SLC12A4: variants seen among roughly 807,000 people sequenced by gnomAD.
SLC12A4 encodes solute carrier family 12 member 4, also known as electroneutral potassium-chloride cotransporter 1.
In SLC12A4, 84 loss-of-function variants were observed where a neutral mutation model predicts 119.2. The ratio of observed to expected loss-of-function variants is 0.70; its 90% CI spans 0.59 to 0.85. The LOEUF (loss-of-function observed/expected upper bound fraction) is 0.85, where lower values mean the gene tolerates loss of function less well. Ranked by LOEUF, SLC12A4 falls within the 40% of genes least tolerant of loss-of-function variation. The pLI is 0.00. For synonymous variants in SLC12A4, 599 were observed against 604.6 expected, an observed-to-expected ratio of 0.99 and a Z score of 0.14; for missense variants, 1,298 against 1,476.3, an observed-to-expected ratio of 0.88 and a Z score of 1.98.
intron 1 of SLC12A4, among the ~76,000 whole-genome samples, chr16:67,964,804 T>C (rs965725310): frequency 1.3e-5 from 2 of 152,242 alleles, no homozygotes; most frequent in Non-Finnish European, 2.9e-5. Flanking sequence ...AGAATGCTGA[T>C]TGAGGCATCC....
intron 3 of SLC12A4, among the ~76,000 whole-genome samples, chr16:67,960,924 G>A (rs1442619618): frequency 1.3e-5 from 2 of 151,760 alleles, no homozygotes; most frequent in Admixed American, 1.3e-4. Flanking sequence ...GGAACCCAGG[G>A]GGTTGTTGGA....
chr16:67,960,016 A>C (rs16957659), intron 3 of SLC12A4, among the ~76,000 whole-genome samples: 7,132 of 152,148 alleles, frequency 0.047, 541 homozygotes, highest in African/African-American at 0.16. Context: ...CCATGAAAAA[A>C]CTACTGCAGC....
chr16:67,966,843 G>T, intron 1 of SLC12A4: 3 of 1,546,834 alleles, frequency 1.9e-6, no homozygotes, highest in Non-Finnish European at 2.6e-6. Flanking sequence ...GGCAGTGGGA[G>T]GAGCTGGCCT....
intron 6 of SLC12A4, among the ~76,000 whole-genome samples, chr16:67,954,400 G>A (rs1262402846): frequency 2.0e-5 from 3 of 152,248 alleles, no homozygotes; most frequent in Non-Finnish European, 4.4e-5. Context: ...GTGCCCAGGT[G>A]GATGGAACAT....
chr16:67,968,645 C>T (rs2030976559), upstream of SLC12A4: 2 of 1,285,742 alleles, frequency 1.6e-6, no homozygotes, highest in Non-Finnish European at 9.8e-7. Flanking sequence ...CACGCCCCGC[C>T]CGCTCGCATT....
chr16:67,952,504 G>A (rs543383861), intron 6 of SLC12A4, 79 bp from the exon 7 acceptor site: 66 of 1,545,860 alleles, frequency 4.3e-5, no homozygotes, highest in Non-Finnish European at 5.5e-5. Flanking sequence ...TTCTTTTTAC[G>A]AGTACCTAAA....
rs772004544 is a variant in SLC12A4, at chr16:67,944,865, C to G, written c.3233G>C (p.Arg1078Pro). 14 of 1,612,988 alleles carry G rather than the reference C, an allele frequency of 8.7e-6. No homozygotes were observed. In the Admixed American group the frequency reaches 1.7e-4, roughly 19 times the overall value. ...ERVLLVRGGGREVITIYS is the reference protein window; with the variant it reads ...ERVLLVRGGGPEVITIYS ...TCAGGAGTAGATGGTGATGACTTCACGGCCACCACCGCGCACCAACAGCAC... is the reference window on the plus strand; with the variant it reads ...TCAGGAGTAGATGGTGATGACTTCAGGGCCACCACCGCGCACCAACAGCAC... Residue 1078 changes from arginine to proline, a missense_variant, in exon 24 of 24, where the codon CGT (arginine) becomes CCT (proline). Coordinates refer to ENST00000316341, the MANE Select transcript of SLC12A4 (RefSeq NM_005072.5). This position sits in a 1 kb window ranked among gnomAD's most constrained non-coding sequence, Gnocchi z 6.6.
intron 1 of SLC12A4, 68 bp downstream of exon 1, chr16:67,968,371 G>A (rs1378331023): frequency 2.2e-6 from 3 of 1,383,564 alleles, no homozygotes; most frequent in Non-Finnish European, 2.9e-6. Flanking sequence ...GCGGGCGCGG[G>A]CCCGGGATGG....
chr16:67,959,841 T>C (rs2030468840), intron 3 of SLC12A4, among the ~76,000 whole-genome samples: 1 of 152,210 alleles, frequency 6.6e-6, no homozygotes, highest in African/African-American at 2.4e-5. Context: ...AGAGGCTGCT[T>C]TGGGTCTTGG....
At chr16:67,947,144 G>A (rs374714017) in intron 16 of SLC12A4, 39 bp from the exon 17 acceptor site, 32 of 1,547,724 alleles carry the variant, frequency 2.1e-5, no homozygotes, top group Middle Eastern at 2.3e-4. Flanking sequence ...GACCAGGGCC[G>A]GCCGTTCTAG....
chr16:67,966,806 A>G, intron 1 of SLC12A4: 1 of 1,550,948 alleles, frequency 6.4e-7, no homozygotes, highest in Non-Finnish European at 8.7e-7. Context: ...GCTGGAAAGG[A>G]GTAAGAGGAG....
At chr16:67,967,469 C>G (rs995456789) in intron 1 of SLC12A4, among the ~76,000 whole-genome samples, 2 of 152,216 alleles carry the variant, frequency 1.3e-5, no homozygotes, top group African/African-American at 4.8e-5. Context: ...ATACCCACAG[C>G]TACACACTTG....
In SLC12A4 at chr16:67,946,500, A is replaced by G; in HGVS notation, c.2375T>C (p.Val792Ala). 6.2e-7 allele frequency: 1 copy of G among 1,609,350 alleles called. No individual in the cohort carries two copies. The highest frequency in any genetic ancestry group is 1.1e-5 in the South Asian group (1 of 91,082). ...GLGGMRHNSV[V>A]LGWPYGWRQS... ...TCGCCAGCCGTAGGGCCAGCCCAGCACCACGGAGTTATGCCGCATGCCTCC... is the reference window on the plus strand; with the variant it reads ...TCGCCAGCCGTAGGGCCAGCCCAGCGCCACGGAGTTATGCCGCATGCCTCC... Residue 792 changes from valine (V) to alanine (A), a missense_variant, in exon 18 of 24, where the codon GTG (valine) becomes GCG (alanine). Transcript: ENST00000316341.
chr16:67,945,133 G>A lies in SLC12A4; in HGVS notation c.3120C>T (p.Leu1040=). The A allele has an allele frequency of 1.9e-6, 3 of 1,600,904 alleles. No individual in the cohort carries two copies. Among genetic ancestry groups the A allele is most frequent in the Non-Finnish European group, 2.6e-6 (3 of 1,172,564 alleles). The change falls in exon 23 of 24, where the codon CTC becomes CTT. Residue 1040 remains leucine, a synonymous_variant. Transcript: ENST00000316341. The stretch of plus-strand genomic sequence containing the variant: ...TCCTGGGTGGGCCAGGCATGTTTAG[G>A]AGAACCAGGCGGGCGTCGTGGGAGC... ...VTRSHDARLV[L]LNMPGPPRNS... is the part of the protein sequence containing the mutation.
Position 67,949,215 on chromosome 16 carries a change from C to A in SLC12A4, c.1748+585G>T, listed in dbSNP as rs570314146. Among the ~76,000 whole-genome samples the A allele has an allele frequency of 6.6e-6, 1 of 152,074 alleles. No homozygotes were observed. Among genetic ancestry groups the A allele is most frequent in the Non-Finnish European group, 1.5e-5 (1 of 68,018 alleles). ...CTGTAATCCCAGCACTTTGGGAGGC[C>A]GAGCCAGGTGGATCATCTGACGTCA... On this transcript the variant is annotated intron_variant, in intron 13 of 23. Coordinates refer to ENST00000316341, the MANE Select transcript of SLC12A4 (RefSeq NM_005072.5). The surrounding 1 kb of genome is among the most constrained non-coding windows in gnomAD (Gnocchi z 4.6).
chr16:67,946,246 G>T lies in SLC12A4; in HGVS notation c.2532C>A (p.Gly844=). The T allele has an allele frequency of 6.2e-7, 1 of 1,613,838 alleles. No individual in the cohort carries two copies. The highest frequency in any genetic ancestry group is 8.5e-7 in the Non-Finnish European group (1 of 1,180,040). Residue 844 remains glycine (G), a synonymous_variant, in exon 19 of 24, where the codon GGC becomes GGA. Transcript: ENST00000316341. ...YPSNHERYLE[G]HIDVWWIVHD... Reference sequence around the variant, plus strand: ...GCACGATCCACCACACGTCTATGTGGCCCTCCAGGTAGCGCTCGTGGTTGC... The same window carrying T: ...GCACGATCCACCACACGTCTATGTGTCCCTCCAGGTAGCGCTCGTGGTTGC...
chr16:67,966,886 G>A, intron 1 of SLC12A4: 1 of 1,505,204 alleles, frequency 6.6e-7, no homozygotes, highest in Non-Finnish European at 8.9e-7. Flanking sequence ...CTCAGCCAAT[G>A]TAGCTCCAGG....
At chr16:67,961,395 C>T (rs1173614346) in intron 3 of SLC12A4, among the ~76,000 whole-genome samples, 180 bp downstream of exon 3, 2 of 152,142 alleles carry the variant, frequency 1.3e-5, no homozygotes, top group African/African-American at 4.8e-5. Flanking sequence ...CGGGGGGATT[C>T]TCATTAGGTC....
Position 67,950,015 on chromosome 16 carries a change from T to C in SLC12A4, c.1630-97A>G, listed in dbSNP as rs980252050. On this transcript the variant is annotated intron_variant, in intron 12 of 23. Coordinates refer to ENST00000316341, the MANE Select transcript of SLC12A4 (RefSeq NM_005072.5). The surrounding 1 kb of genome is among the most constrained non-coding windows in gnomAD (Gnocchi z 4.3). Reference sequence around the variant, plus strand: ...GCCTCCCTCACCCCCAGGGCCCGCCTTGGGGGCTCAGGCCGCCCCTGTGTC... The same window carrying C: ...GCCTCCCTCACCCCCAGGGCCCGCCCTGGGGGCTCAGGCCGCCCCTGTGTC... The C allele has an allele frequency of 2.8e-5, 27 of 974,900 alleles. No individual in the cohort carries two copies. The highest frequency in any genetic ancestry group is 8.2e-5 in the African/African-American group (5 of 60,986). 60.4% of individuals were successfully genotyped at this position (974,900 alleles called of 1,614,324 possible).
Sources: gnomAD v4.1 joint callset for allele counts (sites outside exome capture counted in the v4.1 genomes callset) on GRCh38, gnomAD v4.1.1 for gene constraint, Gnocchi (gnomAD v3.1) non-coding constraint, MANE v1.5 for transcripts, NCBI Gene and HGNC (gene_info 2026-07-23, HGNC 2026-07-21) for gene names.